Variants in NTRK2 observed in about 807,000 individuals in gnomAD.
The protein encoded by NTRK2 is BDNF/NT-3 growth factors receptor.
NTRK2 carries 13 observed loss-of-function variants against 94.5 expected under a neutral mutation model. The observed-to-expected ratio is 0.14, with a 90% CI of 0.09 to 0.22. NTRK2 has a LOEUF of 0.22. Among genes scored for constraint, NTRK2 ranks in the 10% least tolerant of loss-of-function variants. NTRK2 has a pLI of 1.00. For synonymous variants in NTRK2, 372 were observed against 407.4 expected, an observed-to-expected ratio of 0.91 and a Z score of 1.05; for missense variants, 639 against 1,071.2, an observed-to-expected ratio of 0.60 and a Z score of 5.63.
At chr9:84,832,974 G>C (rs981364069) in intron 12 of NTRK2, among the ~76,000 whole-genome samples, 3 of 152,136 alleles carry the variant, frequency 2.0e-5, no homozygotes, top group Non-Finnish European at 4.4e-5. Flanking sequence ...CCTTGAGAAG[G>C]CCGTGCTGGG....
At chr9:84,828,515 C>T (rs1198492978) in intron 12 of NTRK2, among the ~76,000 whole-genome samples, 3 of 152,108 alleles carry the variant, frequency 2.0e-5, no homozygotes, top group South Asian at 4.1e-4. Flanking sequence ...CATTCTCTCC[C>T]CCTACCCCCA....
intron 2 of NTRK2, among the ~76,000 whole-genome samples, chr9:84,688,009 C>T (rs897145541): frequency 2.0e-5 from 3 of 152,182 alleles, no homozygotes; most frequent in South Asian, 4.1e-4. Flanking sequence ...TCCCCCTTTC[C>T]CTTACACTGC....
intron 14 of NTRK2, among the ~76,000 whole-genome samples, chr9:84,918,929 A>C (rs996118880): frequency 2.0e-5 from 3 of 152,170 alleles, no homozygotes; most frequent in African/African-American, 7.2e-5. Flanking sequence ...ATGATATGCT[A>C]TTTAGATAAT....
At chr9:84,872,028 A>G (rs1480891733) in intron 14 of NTRK2, 2 of 1,457,572 alleles carry the variant, frequency 1.4e-6, no homozygotes, top group Non-Finnish European at 1.8e-6. Flanking sequence ...CCCTCAAAGT[A>G]CTATGCCACT....
chr9:84,897,283 C>T (rs112752151), intron 14 of NTRK2, among the ~76,000 whole-genome samples: 8,125 of 152,126 alleles, frequency 0.053, 326 homozygotes, highest in African/African-American at 0.12. Flanking sequence ...ATTACAGGCA[C>T]GCACCACCAC....
intron 15 of NTRK2, among the ~76,000 whole-genome samples, chr9:84,940,921 C>T (rs748195616): frequency 3.0e-4 from 46 of 152,148 alleles, no homozygotes; most frequent in African/African-American, 2.9e-4. Flanking sequence ...CTCCCTCTTC[C>T]GGTGCCTCCT....
chr9:84,826,633 G>C (rs1468353296), intron 12 of NTRK2, among the ~76,000 whole-genome samples: 5 of 152,272 alleles, frequency 3.3e-5, no homozygotes, highest in Admixed American at 6.5e-5. Flanking sequence ...TTTGGCCCAT[G>C]ATGTGGACGT....
At chr9:84,739,030 T>TTATTA (rs991908309) in intron 9 of NTRK2, among the ~76,000 whole-genome samples, 1 of 151,662 alleles carries the variant, frequency 6.6e-6, no homozygotes, top group Admixed American at 6.6e-5. Context: ...GACCTATTTT[T>TTATTA]AATTAAATTA....
chr9:84,876,594 T>C, intron 14 of NTRK2: 1 of 1,057,570 alleles, frequency 9.5e-7, no homozygotes, highest in East Asian at 5.3e-5. Context: ...ACATTTTCTC[T>C]ATCTTGGTTT....
At chr9:84,904,106 C>T (rs560157952) in intron 14 of NTRK2, among the ~76,000 whole-genome samples, 13 of 152,238 alleles carry the variant, frequency 8.5e-5, no homozygotes, top group Admixed American at 2.0e-4. Context: ...CATGCTGTTC[C>T]GAACTAAGAA....
intron 17 of NTRK2, among the ~76,000 whole-genome samples, chr9:84,955,931 T>C (rs1302840746): frequency 1.3e-5 from 2 of 151,908 alleles, no homozygotes; most frequent in Non-Finnish European, 2.9e-5. Flanking sequence ...TATCAACGTA[T>C]AAATTTTGGG....
At chr9:84,713,561 G>A (rs1167145711) in intron 6 of NTRK2, among the ~76,000 whole-genome samples, 1 of 151,736 alleles carries the variant, frequency 6.6e-6, no homozygotes, top group African/African-American at 2.4e-5. Flanking sequence ...TGTTCTTTTT[G>A]CTGGAGTATA....
At chr9:84,994,911 T>C (rs568381319) in intron 17 of NTRK2, among the ~76,000 whole-genome samples, 3 of 152,366 alleles carry the variant, frequency 2.0e-5, no homozygotes, top group African/African-American at 7.2e-5. Context: ...AAGTCACTAA[T>C]GTGCAGAAAG....
At chr9:84,947,062 T>G (rs573703380) in intron 15 of NTRK2, among the ~76,000 whole-genome samples, 80 of 152,290 alleles carry the variant, frequency 5.3e-4, no homozygotes, top group African/African-American at 1.8e-3. Context: ...TTCAAGTGAT[T>G]CTTCTACCTC....
chr9:84,936,662 A>T (rs1437186605), intron 15 of NTRK2, among the ~76,000 whole-genome samples: 6 of 152,018 alleles, frequency 3.9e-5, no homozygotes, highest in African/African-American at 1.2e-4. Context: ...AACACTGCTT[A>T]AAAAAAAGGA....
At chr9:85,000,999 T>C (rs1564539172) in intron 17 of NTRK2, among the ~76,000 whole-genome samples, 1 of 152,234 alleles carries the variant, frequency 6.6e-6, no homozygotes, top group Non-Finnish European at 1.5e-5. Context: ...TACAGCATTT[T>C]GGGGGCCAGT....
chr9:84,755,885 C>A (rs1398297125), intron 12 of NTRK2, among the ~76,000 whole-genome samples: 1 of 152,046 alleles, frequency 6.6e-6, no homozygotes, highest in East Asian at 1.9e-4. Flanking sequence ...AGGCTCCCGG[C>A]CCTGTTTCCA....
intron 14 of NTRK2, chr9:84,874,786 C>T: frequency 3.8e-6 from 4 of 1,058,762 alleles, no homozygotes; most frequent in Non-Finnish European, 4.6e-6. Context: ...TTTGGGTTTG[C>T]TTCCTGTCAG....
chr9:84,709,699 T>G (rs2061314517), intron 5 of NTRK2, among the ~76,000 whole-genome samples: 1 of 152,214 alleles, frequency 6.6e-6, no homozygotes, highest in East Asian at 1.9e-4. Flanking sequence ...ATGTAACGAT[T>G]TTAAATGGCC....
Sources: allele counts gnomAD v4.1 joint callset (sites outside exome capture counted in the v4.1 genomes callset), GRCh38; gene constraint gnomAD v4.1.1; transcripts MANE v1.5; gene names NCBI Gene and HGNC (gene_info 2026-07-23, HGNC 2026-07-21).